The following WWP1 variants were observed in gnomAD, a reference collection of about 807,000 sequenced individuals.
WWP1 encodes NEDD4-like E3 ubiquitin-protein ligase WWP1.
In WWP1, 49 loss-of-function variants were observed where a neutral mutation model predicts 130.6. That is an observed-to-expected ratio of 0.38 (90% confidence interval 0.30 to 0.48). The LOEUF is 0.48. Ranked by LOEUF, WWP1 falls within the 20% of genes least tolerant of loss-of-function variation. The pLI is 0.99. For synonymous variants in WWP1, 332 were observed against 367.8 expected, an observed-to-expected ratio of 0.90 and a Z score of 1.11; for missense variants, 809 against 1,100.6, an observed-to-expected ratio of 0.74 and a Z score of 3.75.
At chr8:86,394,318 C>T (rs1387090590) in intron 5 of WWP1, among the ~76,000 whole-genome samples, 4 of 152,012 alleles carry the variant, frequency 2.6e-5, no homozygotes, top group African/African-American at 9.7e-5. Flanking sequence ...GGAAGAAGGT[C>T]TAGGAGGTAC....
At chr8:86,370,312 A>G (rs1428449281) in intron 2 of WWP1, among the ~76,000 whole-genome samples, 1 of 152,274 alleles carries the variant, frequency 6.6e-6, no homozygotes, top group Non-Finnish European at 1.5e-5. Flanking sequence ...ATATCTCAGT[A>G]GGCAAATTCA....
At chr8:86,429,970 G>A (rs1303712038) in intron 11 of WWP1, among the ~76,000 whole-genome samples, 11 of 152,110 alleles carry the variant, frequency 7.2e-5, no homozygotes, top group South Asian at 2.1e-4. Context: ...AGGCTGAGGC[G>A]GGTGGATCGC....
At chr8:86,381,846 A>T (rs1283879217) in intron 5 of WWP1, among the ~76,000 whole-genome samples, 1 of 152,192 alleles carries the variant, frequency 6.6e-6, no homozygotes, top group Non-Finnish European at 1.5e-5. Flanking sequence ...AGTCATCCAC[A>T]AGTACCCTAT....
At chr8:86,355,835 C>T (rs767958695) in intron 1 of WWP1, among the ~76,000 whole-genome samples, 3 of 152,204 alleles carry the variant, frequency 2.0e-5, no homozygotes, top group African/African-American at 2.4e-5. Context: ...CAGATTGATA[C>T]AGCAAACTTC....
At chr8:86,422,536 T>C (rs1809287830) in intron 9 of WWP1, among the ~76,000 whole-genome samples, 1 of 151,478 alleles carries the variant, frequency 6.6e-6, no homozygotes, top group Non-Finnish European at 1.5e-5. Flanking sequence ...TAATTTTTTT[T>C]TTTCTTTGGG....
At chr8:86,418,471 G>A (rs1809011911) in intron 9 of WWP1, among the ~76,000 whole-genome samples, 1 of 152,120 alleles carries the variant, frequency 6.6e-6, no homozygotes, top group Non-Finnish European at 1.5e-5. Context: ...AGCTGTTGGT[G>A]GGGGCTGCAG....
intron 9 of WWP1, among the ~76,000 whole-genome samples, chr8:86,422,492 T>G (rs1809284807): frequency 6.6e-6 from 1 of 151,754 alleles, no homozygotes. Context: ...ACCGAGTAGC[T>G]TGGATTACAG....
At chr8:86,351,931 T>C (rs1242039062) in intron 1 of WWP1, among the ~76,000 whole-genome samples, 1 of 152,142 alleles carries the variant, frequency 6.6e-6, no homozygotes, top group Non-Finnish European at 1.5e-5. Context: ...TCTCAAGAGA[T>C]TTTATGCACA....
intron 5 of WWP1, among the ~76,000 whole-genome samples, chr8:86,396,299 C>T (rs954858279): frequency 2.6e-5 from 4 of 152,120 alleles, no homozygotes; most frequent in African/African-American, 7.2e-5. Flanking sequence ...CGGGGTTTCA[C>T]CACGTTGGCC....
chr8:86,404,634 C>T (rs909884416), intron 8 of WWP1, among the ~76,000 whole-genome samples: 11 of 152,088 alleles, frequency 7.2e-5, no homozygotes, highest in Middle Eastern at 3.2e-3. Context: ...CTATGACAAT[C>T]GGAAAAATAG....
chr8:86,398,338 C>G lies in WWP1; in HGVS notation c.335-4C>G, dbSNP rs199783719. On this transcript the variant is annotated splice_region_variant and splice_polypyrimidine_tract_variant and intron_variant, in intron 5 of 24. Coordinates refer to ENST00000517970, the MANE Select transcript of WWP1 (RefSeq NM_007013.4). ...CTTTTAAATTAGAATATTCTTCTTT[C>G]TAGTGGAAAGAGTGAAAGAACAATT... 10 of 1,579,598 alleles carry G rather than the reference C, an allele frequency of 6.3e-6. No homozygotes were observed. The highest frequency in any genetic ancestry group is 2.3e-5 in the East Asian group (1 of 44,358).
intron 1 of WWP1, among the ~76,000 whole-genome samples, chr8:86,363,274 T>A (rs1472079534): frequency 6.6e-6 from 1 of 152,094 alleles, no homozygotes; most frequent in Non-Finnish European, 1.5e-5. Flanking sequence ...CAGAGGGGAA[T>A]TCCTTATTAT....
At chr8:86,456,042 T>A (rs944915917) in intron 21 of WWP1, among the ~76,000 whole-genome samples, 1 of 152,004 alleles carries the variant, frequency 6.6e-6, no homozygotes, top group Non-Finnish European at 1.5e-5. Context: ...TGATGTTGAA[T>A]CAACTAGATA....
chr8:86,401,952 T>C (rs1808004980), intron 7 of WWP1, 67 bp from the exon 8 acceptor site: 1 of 1,361,122 alleles, frequency 7.3e-7, no homozygotes, highest in African/African-American at 1.5e-5. Context: ...GTAAATCCTA[T>C]GAAAATTCTC....
Position 86,370,855 on chromosome 8 carries a change from C to CTTTTTTTTTTTTTTTTTTTTTTTTT in WWP1, c.-22+1828_-22+1852dup, listed in dbSNP as rs555585296. On this transcript the variant is annotated intron_variant, in intron 2 of 24. Transcript: ENST00000517970. Reference sequence around the variant, plus strand: ...GGTATTGCTTATAGCTATATTCATTCTTTTTTTTTTTTTTTTTTTTTTTTT... The same window carrying CTTTTTTTTTTTTTTTTTTTTTTTTT: ...GGTATTGCTTATAGCTATATTCATTCTTTTTTTTTTTTTTTTTTTTTTTTTTTTTTTTTTTTTTTTTTTTTTTTTT... 6.7e-5 allele frequency among the ~76,000 whole-genome samples: 3 copies of CTTTTTTTTTTTTTTTTTTTTTTTTT among 44,862 alleles called. 1 individual carries two copies. The highest frequency in any genetic ancestry group is 1.1e-4 in the Non-Finnish European group (3 of 26,204). 29.4% of individuals were successfully genotyped at this position (44,862 alleles called of 152,430 possible).
At chr8:86,448,865 T>C (rs2130745293) in intron 20 of WWP1, among the ~76,000 whole-genome samples, 1 of 152,322 alleles carries the variant, frequency 6.6e-6, no homozygotes, top group East Asian at 1.9e-4. Flanking sequence ...AGAGAGAGTT[T>C]CACTCTGTCG....
At chr8:86,355,649 G>A (rs1823210174) in intron 1 of WWP1, among the ~76,000 whole-genome samples, 1 of 152,106 alleles carries the variant, frequency 6.6e-6, no homozygotes, top group Non-Finnish European at 1.5e-5. Flanking sequence ...TGTTAAACAT[G>A]ATCTCTAACA....
intron 21 of WWP1, among the ~76,000 whole-genome samples, chr8:86,455,947 G>A (rs1586504286): frequency 6.6e-6 from 1 of 151,556 alleles, no homozygotes; most frequent in East Asian, 1.9e-4. Context: ...ATGTCCAGAA[G>A]TAGATCCACA....
intron 2 of WWP1, among the ~76,000 whole-genome samples, chr8:86,372,273 C>T (rs796922910): frequency 2.6e-5 from 4 of 152,084 alleles, no homozygotes; most frequent in African/African-American, 7.2e-5. Context: ...CCGCCCGTCT[C>T]GGCCTCCCAA....
Sources: gnomAD v4.1 joint callset for allele counts (sites outside exome capture counted in the v4.1 genomes callset) on GRCh38, gnomAD v4.1.1 for gene constraint, MANE v1.5 for transcripts, NCBI Gene and HGNC (gene_info 2026-07-23, HGNC 2026-07-21) for gene names.